Variants in KHK observed in about 807,000 individuals in gnomAD.
KHK encodes fructokinase.
In KHK, 37 loss-of-function variants were observed where a neutral mutation model predicts 36.0. The observed-to-expected ratio is 1.03, with a 90% CI of 0.79 to 1.35. The LOEUF (loss-of-function observed/expected upper bound fraction) is 1.35. Ranked by LOEUF, KHK falls within the 40% of genes most tolerant of loss-of-function variation. KHK has a pLI of 0.00. For missense variants in KHK, 395 were observed against 391.9 expected, an observed-to-expected ratio of 1.01 and a Z score of -0.07; for synonymous variants, 161 against 162.8, an observed-to-expected ratio of 0.99 and a Z score of 0.08.
At chr2:27,099,625 C>CCAAA in intron 7 of KHK, 40 bp from the exon 8 acceptor site, 1 of 1,614,134 alleles carries the variant, frequency 6.2e-7, no homozygotes, top group Non-Finnish European at 8.5e-7. Flanking sequence ...TGTCCCTGCC[C>CCAAA]CAAACACCTG....
chr2:27,091,548 T>C (rs1670006588), intron 1 of KHK, among the ~76,000 whole-genome samples: 1 of 152,234 alleles, frequency 6.6e-6, no homozygotes, highest in Non-Finnish European at 1.5e-5. Context: ...ACAATTATTA[T>C]TATTATTGGA....
rs774038947 is a variant in KHK at position 27,092,456 on chromosome 2, C to T, written c.209+8C>T. The T allele has an allele frequency of 4.4e-6, 7 of 1,603,624 alleles. No homozygotes were observed. In the Middle Eastern group the frequency reaches 5.0e-4, roughly 113 times the overall value. On this transcript the variant is annotated splice_region_variant and intron_variant, in intron 2 of 7. Transcript: ENST00000260598. Reference sequence around the variant, plus strand: ...TCCTGGCCATGTTGCTGAGTAAGTCCAGGAGGGAGAGCCCACTGGGGAAGG... The same window carrying T: ...TCCTGGCCATGTTGCTGAGTAAGTCTAGGAGGGAGAGCCCACTGGGGAAGG...
Position 27,099,285 on chromosome 2 carries a change from GT to G in KHK, c.653+2del. On this transcript the variant is annotated splice_donor_variant, in intron 6 of 7. Transcript: ENST00000260598. LOFTEE classifies it high-confidence loss of function. ...GCTTGTATGGTCGTGTGAGGAAAGG[GT>G]GAGCCGGGGAAGCCAGGAAGGGGCT... 1 of 1,614,128 alleles carries G rather than the reference GT, an allele frequency of 6.2e-7. No homozygotes were observed. Among genetic ancestry groups the G allele is most frequent in the South Asian group, 1.1e-5 (1 of 91,078 alleles).
Position 27,099,503 on chromosome 2 carries a change from C to G in KHK, c.737C>G (p.Pro246Arg). Residue 246 changes from proline (P) to arginine (R), a missense_variant, in exon 7 of 8, where the codon CCG becomes CGG. By Grantham distance (103) the Pro-to-Arg change is moderately radical. Transcript: ENST00000260598. ...DGKLLHSDAF[P>R]PPRVVDTLGA... ...AAATTGCTCCACTCGGATGCTTTCC[C>G]GCCACCCCGCGTGGTGGATACACTG... 1 of 1,614,128 alleles carries G rather than the reference C, an allele frequency of 6.2e-7. No individual in the cohort carries two copies. The highest frequency in any genetic ancestry group is 8.5e-7 in the Non-Finnish European group (1 of 1,179,998).
chr2:27,098,061 T>C (rs181085158), intron 5 of KHK, among the ~76,000 whole-genome samples: 5 of 151,832 alleles, frequency 3.3e-5, no homozygotes, highest in Non-Finnish European at 7.4e-5. Flanking sequence ...GCTGCTAGGG[T>C]GAGGGAAGGG....
intron 2 of KHK, chr2:27,094,483 C>T (rs1181091480): frequency 1.2e-6 from 2 of 1,613,656 alleles, no homozygotes; most frequent in Admixed American, 1.7e-5. Flanking sequence ...GCAGTTTTGT[C>T]CTGGATGACC....
chr2:27,097,553 C>T lies in KHK; in HGVS notation c.468C>T (p.His156=). The T allele has an allele frequency of 6.2e-7, 1 of 1,613,982 alleles. No homozygotes were observed. The highest frequency in any genetic ancestry group is 2.2e-5 in the East Asian group (1 of 44,878). ...QVKMLQRIDA[H]NTRQPPEQKI... ...AGATGCTGCAGCGGATAGACGCACA[C>T]AACACCAGGCAGCCTCCAGAGCAGA... The change falls in exon 5 of 8, where the codon CAC becomes CAT. Residue 156 remains histidine (H), a synonymous_variant. Transcript: ENST00000260598.
intron 2 of KHK, among the ~76,000 whole-genome samples, chr2:27,093,462 T>C (rs1007448461): frequency 6.6e-6 from 1 of 152,198 alleles, no homozygotes; most frequent in Admixed American, 6.5e-5. Context: ...CCCCATGTGC[T>C]CGACAAACAT....
At chr2:27,094,252 A>C (rs913183616) in intron 2 of KHK, 2 of 606,120 alleles carry the variant, frequency 3.3e-6, no homozygotes, top group Non-Finnish European at 3.0e-6. Flanking sequence ...GCCAAGACCT[A>C]AAAGGATGGC....
In KHK at chr2:27,096,946, T is replaced by C. The variant is rs1050954399; in HGVS notation, c.417+145T>C. 4.8e-5 allele frequency: 34 copies of C among 712,392 alleles called. No individual in the cohort carries two copies. In the Admixed American group the frequency reaches 6.8e-4, roughly 14 times the overall value. The allele number at this position is 712,392 out of a possible 1,614,324, so 44.1% of individuals were successfully genotyped here. On this transcript the variant is annotated intron_variant, in intron 4 of 7. Coordinates refer to ENST00000260598, the MANE Select transcript of KHK (RefSeq NM_006488.3). ...CATTCTCTCTCCATCTTTCCTTATG[T>C]CTTCAGGTGAGAAAACTAAGGCCCA...
intron 1 of KHK, among the ~76,000 whole-genome samples, chr2:27,088,516 G>C (rs1046227062): frequency 2.0e-5 from 3 of 152,146 alleles, no homozygotes; most frequent in Non-Finnish European, 4.4e-5. Flanking sequence ...GGATTCAAGC[G>C]ATTCTCCTGC....
intron 5 of KHK, among the ~76,000 whole-genome samples, chr2:27,098,314 A>C (rs540013366): frequency 2.0e-5 from 3 of 152,066 alleles, no homozygotes; most frequent in African/African-American, 7.2e-5. Context: ...TGATGCCAGG[A>C]GTCCAAGACC....
chr2:27,098,354 T>A (rs1022214453), intron 5 of KHK, among the ~76,000 whole-genome samples: 1 of 151,592 alleles, frequency 6.6e-6, no homozygotes, highest in African/African-American at 2.4e-5. Context: ...GACCCCTGTC[T>A]CTATGAAAAT....
At chr2:27,094,451 C>A in intron 2 of KHK, 1 of 1,611,932 alleles carries the variant, frequency 6.2e-7, no homozygotes, top group Non-Finnish European at 8.5e-7. Flanking sequence ...GAACTGCACC[C>A]CCTTCGGGTT....
intron 4 of KHK, 83 bp downstream of exon 4, chr2:27,096,884 C>A: frequency 1.0e-6 from 1 of 990,436 alleles, no homozygotes; most frequent in Non-Finnish European, 1.6e-6. Flanking sequence ...TTCTTTGAAT[C>A]ATGAAGTACC....
chr2:27,096,023 G>T (rs1460603157), intron 3 of KHK, among the ~76,000 whole-genome samples: 1 of 152,230 alleles, frequency 6.6e-6, no homozygotes, highest in Non-Finnish European at 1.5e-5. Flanking sequence ...GGGGCTGGGG[G>T]TTTCAGCCCC....
Position 27,100,116 on chromosome 2 carries a change from G to A in KHK, c.*366G>A, listed in dbSNP as rs1027498822. ...TGCCTGGGCTAGAGCAGCGAGAAGT[G>A]CCCTGGGCTTGCCACCAGCTCTGCC... On this transcript the variant is annotated 3_prime_UTR_variant, in exon 8 of 8. Coordinates refer to ENST00000260598, the MANE Select transcript of KHK (RefSeq NM_006488.3). The A allele has an allele frequency of 1.1e-5, 6 of 559,538 alleles. No individual in the cohort carries two copies. The East Asian group carries it at 1.5e-4, about 14-fold the overall frequency. The allele number at this position is 559,538 out of a possible 1,614,324, so 34.7% of individuals were successfully genotyped here.
At chr2:27,091,923 C>T (rs906750412) in intron 1 of KHK, among the ~76,000 whole-genome samples, 2 of 151,982 alleles carry the variant, frequency 1.3e-5, no homozygotes, top group African/African-American at 4.8e-5. Context: ...GGCACTTAGT[C>T]CCCGAGGTCC....
At chr2:27,095,840 G>A (rs954173230) in intron 3 of KHK, among the ~76,000 whole-genome samples, 2 of 152,200 alleles carry the variant, frequency 1.3e-5, no homozygotes, top group Non-Finnish European at 1.5e-5. Context: ...GGTGACCTTC[G>A]CATTGGGCAA....
Sources: gnomAD v4.1 joint callset for allele counts (sites outside exome capture counted in the v4.1 genomes callset) on GRCh38, gnomAD v4.1.1 for gene constraint, MANE v1.5 for transcripts, NCBI Gene and HGNC (gene_info 2026-07-23, HGNC 2026-07-21) for gene names.